Variants in ANAPC7 observed in about 807,000 individuals in gnomAD.
ANAPC7 encodes the protein anaphase-promoting complex subunit 7.
In ANAPC7, 25 loss-of-function variants were observed where a neutral mutation model predicts 63.3. That is an observed-to-expected ratio of 0.39 (90% CI 0.29 to 0.55). The LOEUF is 0.55. ANAPC7 is among the 20% of genes least tolerant of loss of function. The pLI, the probability that ANAPC7 is intolerant of heterozygous loss-of-function variation, is 0.57. For missense variants in ANAPC7, 516 were observed against 691.7 expected (o/e 0.75, Z 2.85); for synonymous variants, 241 against 251.7 (o/e 0.96, Z 0.40).
rs369493772 is a variant in ANAPC7 at position 110,388,522 on chromosome 12, A to G, written c.510T>C (p.Asp170=). ...AGGAAATATCTCTACCTAGAATGGCATCAAGGGCTAATGGGCACTGCCTCA... is the reference window on the plus strand; with the variant it reads ...AGGAAATATCTCTACCTAGAATGGCGTCAAGGGCTAATGGGCACTGCCTCA... ...EVLRQCPLAL[D]AILGLLSLSV... Residue 170 remains aspartate, a synonymous_variant, in exon 4 of 11, where the codon GAT becomes GAC. Coordinates refer to ENST00000455511, the MANE Select transcript of ANAPC7 (RefSeq NM_016238.3). 7.4e-6 allele frequency: 12 copies of G among 1,613,486 alleles called. No homozygotes were observed. Among genetic ancestry groups the G allele is most frequent in the Non-Finnish European group, 1.0e-5 (12 of 1,179,544 alleles).
chr12:110,391,136 G>A (rs1013606702), intron 3 of ANAPC7, among the ~76,000 whole-genome samples: 1 of 152,156 alleles, frequency 6.6e-6, no homozygotes, highest in Non-Finnish European at 1.5e-5. Flanking sequence ...GTTGCAGTGA[G>A]CTGAGATCAT....
chr12:110,373,785 A>C lies in ANAPC7; in HGVS notation c.*359T>G. On this transcript the variant is annotated 3_prime_UTR_variant, in exon 11 of 11. Coordinates refer to ENST00000455511, the MANE Select transcript of ANAPC7 (RefSeq NM_016238.3). ...ACATTATCGTGCTGGGATGGTGGGT[A>C]ACTCCTTCAAACCAATCCATGTCAC... The C allele has an allele frequency of 5.4e-6, 1 of 185,286 alleles. No individual in the cohort carries two copies. The highest frequency in any genetic ancestry group is 1.1e-5 in the Non-Finnish European group (1 of 90,822). 11.5% of individuals were successfully genotyped at this position (185,286 alleles called of 1,614,324 possible).
intron 6 of ANAPC7, among the ~76,000 whole-genome samples, chr12:110,384,380 A>G (rs1254785518): frequency 1.3e-5 from 2 of 151,892 alleles, no homozygotes; most frequent in African/African-American, 4.8e-5. Flanking sequence ...TGACAGAGTG[A>G]GACCCTGTCT....
intron 8 of ANAPC7, among the ~76,000 whole-genome samples, chr12:110,380,582 T>C (rs1592897991): frequency 1.5e-5 from 2 of 134,616 alleles, no homozygotes; most frequent in African/African-American, 5.7e-5. Flanking sequence ...ACCCGGAAGG[T>C]GGAGGTTGCA....
chr12:110,391,969 G>A (rs1198311527), intron 3 of ANAPC7, among the ~76,000 whole-genome samples: 2 of 152,012 alleles, frequency 1.3e-5, no homozygotes, highest in Non-Finnish European at 2.9e-5. Flanking sequence ...GCACACGCCT[G>A]TAGTCCCAGC....
Position 110,375,388 on chromosome 12 carries a change from T to C in ANAPC7, c.1508+678A>G, listed in dbSNP as rs758016617. Reference sequence around the variant, plus strand: ...TGGTGCTCAACTGTGTGCTGAACAATTGAATGTGATCAGACTCTATTAAAG... The same window carrying C: ...TGGTGCTCAACTGTGTGCTGAACAACTGAATGTGATCAGACTCTATTAAAG... On this transcript the variant is annotated intron_variant, in intron 10 of 10. Coordinates refer to ENST00000455511, the MANE Select transcript of ANAPC7 (RefSeq NM_016238.3). 6.1e-4 allele frequency: 599 copies of C among 981,816 alleles called. 1 individual carries two copies. The highest frequency in any genetic ancestry group is 6.6e-4 in the Non-Finnish European group (542 of 826,782). The allele number at this position is 981,816 out of a possible 1,614,324, so 60.8% of individuals were successfully genotyped here.
At chr12:110,391,871 GATC>G (rs1359365762) in intron 3 of ANAPC7, among the ~76,000 whole-genome samples, 1 of 152,018 alleles carries the variant, frequency 6.6e-6, no homozygotes, top group Non-Finnish European at 1.5e-5. Context: ...AAGGCAGGCG[GATC>G]ACCTAAGGTC....
intron 3 of ANAPC7, among the ~76,000 whole-genome samples, chr12:110,389,081 TAA>T (rs778746037): frequency 1.5e-4 from 15 of 98,302 alleles, no homozygotes; most frequent in Admixed American, 2.1e-4. Context: ...GACTCCATCT[TAA>T]AAAAAAAAAA....
rs1432318206 is a variant in ANAPC7, at chr12:110,396,183, C to T, written c.288+83G>A. On this transcript the variant is annotated intron_variant, in intron 2 of 10. Coordinates refer to ENST00000455511, the MANE Select transcript of ANAPC7 (RefSeq NM_016238.3). ...AGCCTGGTTCCTAACAGACCAGGCA[C>T]TGGGGCCTGGGGACCCTGTTCTAAA... The T allele has an allele frequency of 3.8e-6, 5 of 1,303,938 alleles. No homozygotes were observed. In the African/African-American group the frequency reaches 4.5e-5, roughly 12 times the overall value. 80.8% of individuals were successfully genotyped at this position (1,303,938 alleles called of 1,614,324 possible).
chr12:110,374,213 C>T lies in ANAPC7; in HGVS notation c.1629G>A (p.Gly543=), dbSNP rs1881049790. The part of the protein sequence containing the change: ...VDDMEGSGEE[G]DLEGSDSEAA... ...CCTCACTGTCGCTGCCCTCCAGGTC[C>T]CCTTCTTCCCCACTCCCTTCCATGT... Residue 543 remains glycine, a synonymous_variant, in exon 11 of 11, where the codon GGG becomes GGA. Coordinates refer to ENST00000455511, the MANE Select transcript of ANAPC7 (RefSeq NM_016238.3). 12 of 1,614,068 alleles carry T rather than the reference C, an allele frequency of 7.4e-6. No homozygotes were observed. Among genetic ancestry groups the T allele is most frequent in the Non-Finnish European group, 9.3e-6 (11 of 1,180,030 alleles).
In ANAPC7 at chr12:110,386,465, G is replaced by C. The variant is rs1882460830; in HGVS notation, c.679C>G (p.Leu227Val). 1.2e-6 allele frequency: 2 copies of C among 1,609,920 alleles called. No individual in the cohort carries two copies. Among genetic ancestry groups the C allele is most frequent in the Non-Finnish European group, 1.7e-6 (2 of 1,178,514 alleles). Residue 227 changes from leucine (L) to valine (V), a missense_variant, in exon 6 of 11, where the codon CTA (leucine) becomes GTA (valine). By Grantham distance (32) the Leu-to-Val change is conservative. Around this residue, in one of 4 missense-constraint regions of ANAPC7, gnomAD observed 199 missense variants for 249.3 expected, o/e 0.80. Coordinates refer to ENST00000455511, the MANE Select transcript of ANAPC7 (RefSeq NM_016238.3). ...NSRAISTICS[L>V]EKKSLLRDNV... The stretch of plus-strand genomic sequence containing the variant: ...TCTCGCAATAAGGATTTTTTCTCTA[G>C]TGAACTTTAAGATATTTATTAAACA...
chr12:110,396,972 G>A (rs961754644), intron 1 of ANAPC7, among the ~76,000 whole-genome samples: 4 of 152,038 alleles, frequency 2.6e-5, no homozygotes, highest in Non-Finnish European at 4.4e-5. Flanking sequence ...GGGAGGCTGA[G>A]GGGGGCGGAT....
At chr12:110,387,664 T>C in intron 5 of ANAPC7, 75 bp downstream of exon 5, 1 of 1,515,756 alleles carries the variant, frequency 6.6e-7, no homozygotes, top group Non-Finnish European at 8.9e-7. Flanking sequence ...TTTTTCTTTT[T>C]GCTACTTCAG....
In ANAPC7 at chr12:110,374,055, C is replaced by T. The variant is rs1365099806; in HGVS notation, c.*89G>A. ...CTGCAATCACATGCTGAATCATTGTCCTTCTGAGAGCAGGCTCCTACGGTT... is the reference window on the plus strand; with the variant it reads ...CTGCAATCACATGCTGAATCATTGTTCTTCTGAGAGCAGGCTCCTACGGTT... On this transcript the variant is annotated 3_prime_UTR_variant, in exon 11 of 11. Coordinates refer to ENST00000455511, the MANE Select transcript of ANAPC7 (RefSeq NM_016238.3). 5.8e-6 allele frequency: 8 copies of T among 1,391,050 alleles called. No individual in the cohort carries two copies. The highest frequency in any genetic ancestry group is 6.7e-6 in the Non-Finnish European group (7 of 1,043,488). 86.2% of individuals were successfully genotyped at this position (1,391,050 alleles called of 1,614,324 possible). A position where few individuals can be genotyped will look rare whatever the true frequency, so the allele number is the denominator to read the frequency against.
chr12:110,382,913 C>A lies in ANAPC7; in HGVS notation c.865G>T (p.Asp289Tyr), dbSNP rs140956581. ...YLLAREGRLE[D>Y]VENLGCRLFN... Reference sequence around the variant, plus strand: ...AGGCGGCATCCAAGGTTCTCAACATCCTCTAGCCGCCCTTCTCGTGCCAGT... The same window carrying A: ...AGGCGGCATCCAAGGTTCTCAACATACTCTAGCCGCCCTTCTCGTGCCAGT... Residue 289 changes from aspartate to tyrosine, a missense_variant, in exon 7 of 11, where the codon GAT becomes TAT. Asp to Tyr is a radical substitution (Grantham distance 160). This residue lies in a region of ANAPC7 where 199 missense variants were observed against 249.3 expected (regional missense o/e 0.80). Coordinates refer to ENST00000455511, the MANE Select transcript of ANAPC7 (RefSeq NM_016238.3). The A allele has an allele frequency of 6.2e-7, 1 of 1,614,008 alleles. No homozygotes were observed. The highest frequency in any genetic ancestry group is 2.2e-5 in the East Asian group (1 of 44,884).
chr12:110,394,285 G>A (rs1883365052), intron 3 of ANAPC7, among the ~76,000 whole-genome samples: 1 of 152,030 alleles, frequency 6.6e-6, no homozygotes, highest in Admixed American at 6.6e-5. Flanking sequence ...GAGCCCAGGA[G>A]TTTGAGACCA....
chr12:110,392,784 CTTTTTTTGTTTG>C (rs1277769547), intron 3 of ANAPC7, among the ~76,000 whole-genome samples: 1 of 151,982 alleles, frequency 6.6e-6, no homozygotes, highest in African/African-American at 2.4e-5. Flanking sequence ...GACACCAGAT[CTTTTTTTGTTTG>C]TTTTTTTGTT....
intron 8 of ANAPC7, among the ~76,000 whole-genome samples, chr12:110,380,727 G>T (rs1217934048): frequency 2.0e-5 from 3 of 151,452 alleles, no homozygotes; most frequent in Admixed American, 1.3e-4. Context: ...GGCCGAGGCG[G>T]GCGGATCACG....
intron 3 of ANAPC7, among the ~76,000 whole-genome samples, chr12:110,391,151 T>C (rs1883053160): frequency 1.3e-5 from 2 of 152,030 alleles, no homozygotes; most frequent in African/African-American, 4.8e-5. Context: ...GATCATGCCA[T>C]TGCACTCCAG....
Sources: gnomAD v4.1 joint callset for allele counts (sites outside exome capture counted in the v4.1 genomes callset) on GRCh38, gnomAD v4.1.1 for gene constraint, gnomAD v4.1.1 regional missense constraint, MANE v1.5 for transcripts, NCBI Gene and HGNC (gene_info 2026-07-23, HGNC 2026-07-21) for gene names.